PDSS2: variants seen among roughly 807,000 people sequenced by gnomAD.
PDSS2 encodes decaprenyl diphosphate synthase subunit 2, also known as all trans-polyprenyl-diphosphate synthase PDSS2.
A neutral mutation model predicts 44.5 loss-of-function variants in PDSS2; 31 were observed. The ratio of observed to expected loss-of-function variants is 0.70; its 90% CI spans 0.52 to 0.94. PDSS2 has a LOEUF of 0.94. Among genes scored for constraint, PDSS2 ranks in the 40% least tolerant of loss-of-function variants. The pLI, the probability that PDSS2 is intolerant of heterozygous loss-of-function variation, is 0.00. For missense variants in PDSS2, 452 were observed against 482.2 expected (o/e 0.94, Z 0.59); for synonymous variants, 157 against 180.3 (o/e 0.87, Z 1.03).
intron 1 of PDSS2, among the ~76,000 whole-genome samples, chr6:107,343,596 T>C (rs919288514): frequency 2.0e-5 from 3 of 152,166 alleles, no homozygotes; most frequent in African/African-American, 7.2e-5. Context: ...AACATTAACG[T>C]TTACTTAATG....
intron 3 of PDSS2, among the ~76,000 whole-genome samples, chr6:107,261,010 G>GA (rs1235594807): frequency 1.3e-5 from 2 of 151,788 alleles, no homozygotes; most frequent in East Asian, 1.9e-4. Flanking sequence ...GCCAGAGCGA[G>GA]AAAAAAAATC....
rs1467123079 is a variant in PDSS2, at chr6:107,152,942, C to T, written c.*1677G>A. 6.6e-6 allele frequency: 1 copy of T among 152,242 alleles called. No individual in the cohort carries two copies. The highest frequency in any genetic ancestry group is 2.4e-5 in the African/African-American group (1 of 41,468). The allele number at this position is 152,242 out of a possible 1,614,324, so 9.4% of individuals were successfully genotyped here. ...AGCATTTCAAACAGAACAGTGTTCT[C>T]TTAAGCTAAATCTATAGGCCTCAAA... On this transcript the variant is annotated 3_prime_UTR_variant, in exon 8 of 8. Transcript: ENST00000369037.
intron 3 of PDSS2, among the ~76,000 whole-genome samples, chr6:107,254,019 T>TTTTC (rs1211544556): frequency 4.0e-5 from 6 of 150,954 alleles, no homozygotes; most frequent in African/African-American, 9.7e-5. Flanking sequence ...TTTCTTTTCT[T>TTTTC]TTTCTTTCTT....
At chr6:107,193,237 G>T (rs1042297347) in intron 7 of PDSS2, among the ~76,000 whole-genome samples, 1 of 152,194 alleles carries the variant, frequency 6.6e-6, no homozygotes, top group African/African-American at 2.4e-5. Context: ...ACTCCAGCCT[G>T]CCCCTGTACT....
intron 1 of PDSS2, among the ~76,000 whole-genome samples, chr6:107,419,473 C>T (rs1190724662): frequency 6.6e-6 from 1 of 152,174 alleles, no homozygotes; most frequent in South Asian, 2.1e-4. Flanking sequence ...TAGAGCAGTA[C>T]ACAAGAATTG....
At chr6:107,344,477 G>T (rs1180050555) in intron 1 of PDSS2, among the ~76,000 whole-genome samples, 1 of 152,166 alleles carries the variant, frequency 6.6e-6, no homozygotes, top group Non-Finnish European at 1.5e-5. Context: ...TTAGAATACA[G>T]GAGCTGTGGC....
chr6:107,339,506 C>T (rs6900706), intron 1 of PDSS2, among the ~76,000 whole-genome samples: 6,671 of 152,182 alleles, frequency 0.044, 266 homozygotes, highest in African/African-American at 0.11. Flanking sequence ...AGGCATGGAG[C>T]TTGCAGAGCT....
At chr6:107,395,841 GTTGCTGAGTGTTAGAT>G (rs1293436012) in intron 1 of PDSS2, among the ~76,000 whole-genome samples, 4 of 152,112 alleles carry the variant, frequency 2.6e-5, no homozygotes, top group Non-Finnish European at 4.4e-5. Flanking sequence ...TTGATTTTAT[GTTGCTGAGTGTTAGAT>G]TCTGCTATAT....
At chr6:107,431,402 A>G (rs1781189578) in intron 1 of PDSS2, among the ~76,000 whole-genome samples, 1 of 152,096 alleles carries the variant, frequency 6.6e-6, no homozygotes, top group Non-Finnish European at 1.5e-5. Flanking sequence ...GGTGCATGCC[A>G]CCATGCCCGG....
chr6:107,300,075 C>A (rs987186657), intron 2 of PDSS2, among the ~76,000 whole-genome samples: 1 of 152,150 alleles, frequency 6.6e-6, no homozygotes, highest in African/African-American at 2.4e-5. Flanking sequence ...CGGCCCAAAA[C>A]CCTACTAACT....
At chr6:107,434,439 A>G (rs937828855) in intron 1 of PDSS2, among the ~76,000 whole-genome samples, 2 of 152,210 alleles carry the variant, frequency 1.3e-5, no homozygotes, top group African/African-American at 4.8e-5. Flanking sequence ...ATAAAATGAG[A>G]TCCTGTCATT....
intron 1 of PDSS2, among the ~76,000 whole-genome samples, chr6:107,437,932 A>G (rs577429901): frequency 2.0e-5 from 3 of 152,286 alleles, no homozygotes; most frequent in Admixed American, 2.0e-4. Context: ...TACTGGCTCT[A>G]GTTTCTAGGG....
chr6:107,416,429 T>C (rs1328365503), intron 1 of PDSS2, among the ~76,000 whole-genome samples: 1 of 152,194 alleles, frequency 6.6e-6, no homozygotes, highest in Non-Finnish European at 1.5e-5. Context: ...ATAAGTCATA[T>C]CCGGGTTGAT....
At chr6:107,412,934 G>C (rs1286498075) in intron 1 of PDSS2, among the ~76,000 whole-genome samples, 1 of 152,104 alleles carries the variant, frequency 6.6e-6, no homozygotes, top group Non-Finnish European at 1.5e-5. Flanking sequence ...ACTGATATGA[G>C]ATACTGCTTT....
intron 1 of PDSS2, among the ~76,000 whole-genome samples, chr6:107,400,877 A>G (rs1400016715): frequency 2.0e-5 from 3 of 152,164 alleles, no homozygotes; most frequent in Non-Finnish European, 1.5e-5. Flanking sequence ...ACCATAGGTT[A>G]TGGTAATTGC....
chr6:107,382,683 A>C (rs1261960193), intron 1 of PDSS2, among the ~76,000 whole-genome samples: 1 of 152,036 alleles, frequency 6.6e-6, no homozygotes, highest in East Asian at 1.9e-4. Context: ...ACAAAAAATA[A>C]AAAATTAGCT....
At chr6:107,301,699 C>A (rs1329996842) in intron 2 of PDSS2, among the ~76,000 whole-genome samples, 1 of 151,918 alleles carries the variant, frequency 6.6e-6, no homozygotes, top group Non-Finnish European at 1.5e-5. Context: ...TTTGGTGGCT[C>A]ACACCTGTAA....
intron 1 of PDSS2, among the ~76,000 whole-genome samples, chr6:107,456,979 G>A (rs754379291): frequency 6.6e-6 from 1 of 152,100 alleles, no homozygotes; most frequent in Non-Finnish European, 1.5e-5. Flanking sequence ...AGGCTTATTC[G>A]TTTCATTAAG....
chr6:107,240,105 C>A (rs1404912754), intron 4 of PDSS2, among the ~76,000 whole-genome samples: 3 of 151,980 alleles, frequency 2.0e-5, no homozygotes, highest in Non-Finnish European at 4.4e-5. Context: ...GAACTCTTGA[C>A]CATTTAAAAT....
Sources: allele counts gnomAD v4.1 joint callset (sites outside exome capture counted in the v4.1 genomes callset), GRCh38; gene constraint gnomAD v4.1.1; transcripts MANE v1.5; gene names NCBI Gene and HGNC (gene_info 2026-07-23, HGNC 2026-07-21).